RAP1A: variants seen among roughly 807,000 people sequenced by gnomAD.
RAP1A encodes the protein ras-related protein Rap-1A.
RAP1A carries 6 observed loss-of-function variants against 26.4 expected under a neutral mutation model. That is an observed-to-expected ratio of 0.23 (90% CI 0.12 to 0.45). The LOEUF (loss-of-function observed/expected upper bound fraction) is 0.45. RAP1A is among the 20% of genes least tolerant of loss of function. RAP1A has a pLI of 0.99. For synonymous variants in RAP1A, 73 were observed against 79.4 expected, an observed-to-expected ratio of 0.92 and a Z score of 0.43; for missense variants, 121 against 217.2, an observed-to-expected ratio of 0.56 and a Z score of 2.78.
chr1:111,569,307 G>A (rs114220904), intron 1 of RAP1A, among the ~76,000 whole-genome samples: 1,613 of 151,744 alleles, frequency 0.011, 37 homozygotes, highest in African/African-American at 0.037. Context: ...AAGCTGAGGC[G>A]GGGGAATCTT....
intron 1 of RAP1A, among the ~76,000 whole-genome samples, chr1:111,652,724 G>C (rs1323913205): frequency 1.3e-5 from 2 of 152,134 alleles, no homozygotes; most frequent in African/African-American, 2.4e-5. Flanking sequence ...AATAACAAGT[G>C]TTGGCCAGGA....
intron 1 of RAP1A, among the ~76,000 whole-genome samples, chr1:111,600,907 A>C (rs1459009238): frequency 6.6e-6 from 1 of 152,206 alleles, no homozygotes; most frequent in Non-Finnish European, 1.5e-5. Context: ...ATTAAGAGAA[A>C]AAAGAAACTA....
intron 1 of RAP1A, among the ~76,000 whole-genome samples, chr1:111,690,632 T>C (rs1277504079): frequency 1.3e-5 from 2 of 152,274 alleles, no homozygotes; most frequent in Non-Finnish European, 2.9e-5. Context: ...CTGGCTGTTA[T>C]TGTGGGTTGA....
chr1:111,557,192 G>A (rs1657529347), intron 1 of RAP1A, among the ~76,000 whole-genome samples: 1 of 152,100 alleles, frequency 6.6e-6, no homozygotes, highest in African/African-American at 2.4e-5. Flanking sequence ...AGATGGAAAA[G>A]CATCATTTCT....
intron 1 of RAP1A, among the ~76,000 whole-genome samples, chr1:111,568,382 G>T (rs934969616): frequency 5.3e-5 from 8 of 152,100 alleles, no homozygotes; most frequent in African/African-American, 1.7e-4. Context: ...ACACGTGGTG[G>T]GGAGGAGGGC....
At chr1:111,610,407 T>C (rs977675303) in intron 1 of RAP1A, among the ~76,000 whole-genome samples, 2 of 152,208 alleles carry the variant, frequency 1.3e-5, no homozygotes, top group South Asian at 2.1e-4. Flanking sequence ...TGTTTTCTAC[T>C]TTTCGGACTC....
chr1:111,554,580 T>A (rs1657403856), intron 1 of RAP1A, among the ~76,000 whole-genome samples: 1 of 152,232 alleles, frequency 6.6e-6, no homozygotes, highest in South Asian at 2.1e-4. Context: ...TATCCAGGAT[T>A]GCAAAGGATC....
At chr1:111,650,750 T>C (rs1348884571) in intron 1 of RAP1A, among the ~76,000 whole-genome samples, 1 of 152,168 alleles carries the variant, frequency 6.6e-6, no homozygotes, top group Non-Finnish European at 1.5e-5. Context: ...TTTTGTATAT[T>C]CTATGGGTTT....
chr1:111,576,544 A>G (rs74109808), intron 1 of RAP1A, among the ~76,000 whole-genome samples: 6,177 of 152,328 alleles, frequency 0.041, 437 homozygotes, highest in African/African-American at 0.14. Context: ...GTCTGGGTTA[A>G]AGCGAACTTA....
chr1:111,709,030 T>C (rs541587789), intron 6 of RAP1A, 119 bp from the exon 7 acceptor site: 1 of 1,322,916 alleles, frequency 7.6e-7, no homozygotes, highest in Admixed American at 3.4e-5. Flanking sequence ...CAAACCTGAC[T>C]TTAAAAGAAA....
intron 1 of RAP1A, among the ~76,000 whole-genome samples, chr1:111,546,312 T>C (rs1186014045): frequency 6.6e-6 from 1 of 152,184 alleles, no homozygotes; most frequent in Non-Finnish European, 1.5e-5. Context: ...TACAGCTCAG[T>C]GGCATTAAGT....
At chr1:111,648,970 C>T (rs967437610) in intron 1 of RAP1A, 14 of 647,064 alleles carry the variant, frequency 2.2e-5, no homozygotes, top group African/African-American at 1.3e-4. Flanking sequence ...TTGAGAGCCT[C>T]GATCTCTGGC....
intron 1 of RAP1A, among the ~76,000 whole-genome samples, chr1:111,630,262 C>T (rs926987908): frequency 5.9e-5 from 9 of 152,124 alleles, no homozygotes; most frequent in Admixed American, 5.2e-4. Flanking sequence ...TTTTCTTTAT[C>T]AGAAGATTTT....
intron 1 of RAP1A, among the ~76,000 whole-genome samples, chr1:111,578,404 G>T (rs998549934): frequency 2.2e-4 from 34 of 152,048 alleles, no homozygotes; most frequent in African/African-American, 8.0e-4. Context: ...GCAATGAAAA[G>T]CCAGTAAGAG....
chr1:111,549,649 C>CA (rs370585012), intron 1 of RAP1A, among the ~76,000 whole-genome samples: 3,923 of 94,354 alleles, frequency 0.042, 132 homozygotes, highest in African/African-American at 0.11. Flanking sequence ...GACTCTGTTT[C>CA]AAAAAAAAAA....
In RAP1A at chr1:111,670,082, TCTCA is replaced by T. The variant is rs1159343956; in HGVS notation, c.-27-21249_-27-21246del. On this transcript the variant is annotated intron_variant, in intron 1 of 7. Coordinates refer to ENST00000369709, the MANE Select transcript of RAP1A (RefSeq NM_002884.4). Reference sequence around the variant, plus strand: ...AATAAAACTGGGAGTTTTTTTTTGTTCTCACTATTTGCACAGCACTAAGAAAGAT... The same window carrying T: ...AATAAAACTGGGAGTTTTTTTTTGTTCTATTTGCACAGCACTAAGAAAGAT... Among the ~76,000 whole-genome samples the T allele has an allele frequency of 2.6e-5, 4 of 152,316 alleles. No individual in the cohort carries two copies. The East Asian group carries it at 7.7e-4, about 29-fold the overall frequency.
intron 1 of RAP1A, among the ~76,000 whole-genome samples, chr1:111,662,954 C>A (rs1053710150): frequency 6.6e-6 from 1 of 152,154 alleles, no homozygotes; most frequent in Non-Finnish European, 1.5e-5. Context: ...CTTGCTCTGT[C>A]GCCAGGCTGG....
At chr1:111,702,199 C>T (rs563760266) in intron 4 of RAP1A, among the ~76,000 whole-genome samples, 6 of 152,236 alleles carry the variant, frequency 3.9e-5, no homozygotes, top group Non-Finnish European at 7.4e-5. Context: ...TTATCTTTTA[C>T]GTTTAATGCA....
chr1:111,649,856 C>A (rs2101133350), intron 1 of RAP1A, among the ~76,000 whole-genome samples: 1 of 152,226 alleles, frequency 6.6e-6, no homozygotes, highest in Non-Finnish European at 1.5e-5. Flanking sequence ...CTGGGTTAAC[C>A]TTTATGCCAT....
Sources: gnomAD v4.1 joint callset for allele counts (sites outside exome capture counted in the v4.1 genomes callset) on GRCh38, gnomAD v4.1.1 for gene constraint, MANE v1.5 for transcripts, NCBI Gene and HGNC (gene_info 2026-07-23, HGNC 2026-07-21) for gene names.